FBXO15: variants seen among roughly 807,000 people sequenced by gnomAD.
FBXO15 encodes F-box only protein 15.
Under a neutral mutation model 49.5 loss-of-function variants are expected in FBXO15, and 30 were observed. That is an observed-to-expected ratio of 0.61 (90% CI 0.45 to 0.82). FBXO15 has a LOEUF of 0.82. Among genes scored for constraint, FBXO15 ranks in the 40% least tolerant of loss-of-function variants. The pLI is 0.00. For missense variants in FBXO15, 591 were observed against 631.5 expected (o/e 0.94, Z 0.69); for synonymous variants, 250 against 232.7 (o/e 1.07, Z -0.68).
intron 8 of FBXO15, among the ~76,000 whole-genome samples, chr18:74,104,442 A>G (rs1913658564): frequency 6.6e-6 from 1 of 152,168 alleles, no homozygotes; most frequent in African/African-American, 2.4e-5. Flanking sequence ...CAGTAACAAC[A>G]CTGAATGTAA....
At chr18:74,118,519 AT>A (rs199717041) in intron 8 of FBXO15, among the ~76,000 whole-genome samples, 2,047 of 150,952 alleles carry the variant, frequency 0.014, 46 homozygotes, top group African/African-American at 0.047. Context: ...AAGAAAAATG[AT>A]TTTTTAATGG....
chr18:74,078,205 A>G (rs1458800622), intron 9 of FBXO15, among the ~76,000 whole-genome samples: 1 of 152,090 alleles, frequency 6.6e-6, no homozygotes, highest in Admixed American at 6.5e-5. Context: ...CTAGTTCTCA[A>G]AGTCCAGCAT....
chr18:74,108,509 GA>G (rs928719460), intron 8 of FBXO15, among the ~76,000 whole-genome samples: 97 of 93,710 alleles, frequency 1.0e-3, no homozygotes, highest in African/African-American at 3.8e-3. Context: ...AAAGCAAAGA[GA>G]AAAAAAAAGA....
chr18:74,127,078 T>C (rs1334276728), intron 5 of FBXO15, among the ~76,000 whole-genome samples: 4 of 152,228 alleles, frequency 2.6e-5, no homozygotes, highest in African/African-American at 7.2e-5. Context: ...TACAGTGACT[T>C]TGCGACTATC....
At chr18:74,095,893 A>T (rs1255676587) in intron 8 of FBXO15, among the ~76,000 whole-genome samples, 1 of 152,172 alleles carries the variant, frequency 6.6e-6, no homozygotes, top group Non-Finnish European at 1.5e-5. Flanking sequence ...TAAGATTATC[A>T]CCAGAAATAT....
At chr18:74,113,414 A>T (rs1038611910) in intron 8 of FBXO15, among the ~76,000 whole-genome samples, 12 of 152,110 alleles carry the variant, frequency 7.9e-5, no homozygotes, top group African/African-American at 2.4e-4. Flanking sequence ...AATATATAAC[A>T]CCAAGAGTAA....
intron 1 of FBXO15, among the ~76,000 whole-genome samples, chr18:74,144,413 G>A (rs1979279766): frequency 6.6e-6 from 1 of 152,014 alleles, no homozygotes; most frequent in African/African-American, 2.4e-5. Context: ...TGGGGGTGTT[G>A]TTTTAATTTC....
intron 8 of FBXO15, among the ~76,000 whole-genome samples, chr18:74,120,591 T>C (rs62097029): frequency 0.088 from 13,322 of 152,014 alleles, 822 homozygotes; most frequent in Admixed American, 0.2. Flanking sequence ...AAAGAAGAAA[T>C]AAAAAGGAAA....
In FBXO15 at chr18:74,127,164, C is replaced by T. The variant is rs7231106; in HGVS notation, c.786-1063G>A. ...GAGCACACGGCATGGGGCAGGTGCTCAATAAATCGCAGTCCCTGCTAGTAT... is the reference window on the plus strand; with the variant it reads ...GAGCACACGGCATGGGGCAGGTGCTTAATAAATCGCAGTCCCTGCTAGTAT... On this transcript the variant is annotated intron_variant, in intron 5 of 9. Coordinates refer to ENST00000419743, the MANE Select transcript of FBXO15 (RefSeq NM_001142958.2). 3.2e-3 allele frequency among the ~76,000 whole-genome samples: 480 copies of T among 152,284 alleles called. 4 individuals carry two copies. The highest frequency in any genetic ancestry group is 0.011 in the African/African-American group (454 of 41,552).
intron 8 of FBXO15, among the ~76,000 whole-genome samples, chr18:74,089,355 T>C (rs540965376): frequency 5.3e-5 from 8 of 152,154 alleles, no homozygotes; most frequent in African/African-American, 1.9e-4. Flanking sequence ...CTATGGGGGG[T>C]TTTAGGCATA....
chr18:74,128,032 C>T (rs543993131), intron 5 of FBXO15, among the ~76,000 whole-genome samples: 1 of 152,114 alleles, frequency 6.6e-6, no homozygotes, highest in South Asian at 2.1e-4. Context: ...TTAGAAAAAG[C>T]TGGCTTCCTT....
Position 74,073,796 on chromosome 18 carries a change from G to A in FBXO15, c.1264-66C>T, listed in dbSNP as rs568463192. 5.2e-4 allele frequency: 798 copies of A among 1,531,094 alleles called. 4 individuals carry two copies. Among genetic ancestry groups the A allele is most frequent in the South Asian group, 3.8e-3 (295 of 76,894 alleles). The allele number at this position is 1,531,094 out of a possible 1,614,324, so 94.8% of individuals were successfully genotyped here. On this transcript the variant is annotated intron_variant, in intron 9 of 9. Transcript: ENST00000419743. ...TCAGACCTGATTTTCACAGAAAATCGTGACTCTGTAAAACTCACTAGAAAT... is the reference window on the plus strand; with the variant it reads ...TCAGACCTGATTTTCACAGAAAATCATGACTCTGTAAAACTCACTAGAAAT...
intron 8 of FBXO15, among the ~76,000 whole-genome samples, chr18:74,084,432 TGCGCCTCA>T (rs1912642946): frequency 2.6e-5 from 4 of 152,236 alleles, no homozygotes; most frequent in African/African-American, 4.8e-5. Context: ...GGCAGGGGCC[TGCGCCTCA>T]GGCGGGCAGG....
At chr18:74,128,461 A>G (rs1305641567) in intron 5 of FBXO15, among the ~76,000 whole-genome samples, 1 of 152,144 alleles carries the variant, frequency 6.6e-6, no homozygotes, top group Non-Finnish European at 1.5e-5. Context: ...GAGAGAAACC[A>G]ATGGGTGGAA....
At chr18:74,144,921 G>A (rs1371884126) in intron 1 of FBXO15, among the ~76,000 whole-genome samples, 2 of 152,110 alleles carry the variant, frequency 1.3e-5, no homozygotes, top group African/African-American at 4.8e-5. Flanking sequence ...GAAAACACCA[G>A]TGAAATAAAG....
intron 3 of FBXO15, among the ~76,000 whole-genome samples, chr18:74,132,788 T>G (rs995975406): frequency 6.6e-6 from 1 of 152,210 alleles, no homozygotes; most frequent in African/African-American, 2.4e-5. Flanking sequence ...GCCAATTTAA[T>G]GTTCAGATAA....
intron 8 of FBXO15, among the ~76,000 whole-genome samples, chr18:74,102,563 A>G (rs940049874): frequency 1.3e-5 from 2 of 152,192 alleles, no homozygotes; most frequent in African/African-American, 4.8e-5. Context: ...TTAAAGAACT[A>G]AAAGTAGAAC....
chr18:74,115,902 C>A (rs1914211539), intron 8 of FBXO15, among the ~76,000 whole-genome samples: 1 of 152,186 alleles, frequency 6.6e-6, no homozygotes, highest in Non-Finnish European at 1.5e-5. Context: ...GTATCTATTT[C>A]TTTAGTGATA....
intron 3 of FBXO15, among the ~76,000 whole-genome samples, chr18:74,135,277 C>T (rs566803591): frequency 2.0e-5 from 3 of 152,146 alleles, no homozygotes; most frequent in Admixed American, 1.3e-4. Context: ...TCGCTCTCCC[C>T]ACAGAGTAAG....
Sources: allele counts gnomAD v4.1 joint callset (sites outside exome capture counted in the v4.1 genomes callset), GRCh38; gene constraint gnomAD v4.1.1; transcripts MANE v1.5; gene names NCBI Gene and HGNC (gene_info 2026-07-23, HGNC 2026-07-21).